Variants in USH2A observed in about 807,000 individuals in gnomAD.
The protein encoded by USH2A is usherin, also known as Usher syndrome 2A (autosomal recessive, mild).
In USH2A, 443 loss-of-function variants were observed where a neutral mutation model predicts 538.9. That is an observed-to-expected ratio of 0.82 (90% CI 0.76 to 0.89). USH2A has a LOEUF of 0.89. Among genes scored for constraint, USH2A ranks in the 40% least tolerant of loss-of-function variants. The pLI, the probability that USH2A is intolerant of heterozygous loss-of-function variation, is 0.00. For synonymous variants in USH2A, 2,413 were observed against 2,273.5 expected (o/e 1.06, Z -1.75); for missense variants, 6,633 against 6,324.8 (o/e 1.05, Z -1.65).
chr1:216,358,660 T>C (rs1371618363), intron 4 of USH2A, among the ~76,000 whole-genome samples: 1 of 152,136 alleles, frequency 6.6e-6, no homozygotes, highest in Non-Finnish European at 1.5e-5. Context: ...ACTGTACATA[T>C]AAATTGATAG....
chr1:215,675,809 T>G (rs549740265), intron 62 of USH2A, among the ~76,000 whole-genome samples, 193 bp from the exon 63 acceptor site: 1 of 152,294 alleles, frequency 6.6e-6, no homozygotes, highest in Admixed American at 6.5e-5. Context: ...ACAAACAATG[T>G]TTTTCTTTGC....
At position 216,321,938 on chromosome 1, in the gene USH2A, G is replaced by C. The variant is rs76458883; in HGVS notation, c.1589C>G (p.Thr530Arg). ...GCAGAGGCATCTATATGGCTGGCTT[G>C]TTGTGTCGCAGTTATCGGCATGACC... ...CHGHADNCDT[T>R]SQPYRCLCSQ... The change falls in exon 9 of 72, where the codon ACA becomes AGA. Residue 530 changes from threonine (T) to arginine (R), a missense_variant. Coordinates refer to ENST00000307340, the MANE Select transcript of USH2A (RefSeq NM_206933.4). 1.9e-6 allele frequency: 3 copies of C among 1,613,848 alleles called. No homozygotes were observed. The highest frequency in any genetic ancestry group is 1.7e-6 in the Non-Finnish European group (2 of 1,179,876).
At chr1:216,293,192 T>C (rs1240584925) in intron 9 of USH2A, among the ~76,000 whole-genome samples, 2 of 151,934 alleles carry the variant, frequency 1.3e-5, no homozygotes, top group Non-Finnish European at 2.9e-5. Context: ...GCTTGGCTAA[T>C]TTTTTGTATT....
intron 18 of USH2A, 37 bp from the exon 19 acceptor site, chr1:216,196,759 T>C: frequency 1.9e-6 from 3 of 1,597,962 alleles, no homozygotes; most frequent in Non-Finnish European, 2.6e-6. Context: ...ATCAAAACAA[T>C]GAATGTCGTC....
intron 44 of USH2A, among the ~76,000 whole-genome samples, chr1:215,860,415 GAA>G (rs71159890): frequency 6.6e-6 from 1 of 151,722 alleles, no homozygotes; most frequent in Non-Finnish European, 1.5e-5. Flanking sequence ...TTGATTGGGG[GAA>G]AAAAACAAAA....
At chr1:215,645,385 C>A (rs1656813648) in intron 67 of USH2A, among the ~76,000 whole-genome samples, 1 of 152,108 alleles carries the variant, frequency 6.6e-6, no homozygotes, top group African/African-American at 2.4e-5. Flanking sequence ...GTTACTTAAG[C>A]TCTGGCCTTA....
chr1:216,024,612 G>T (rs1668919958), intron 32 of USH2A, among the ~76,000 whole-genome samples: 1 of 151,892 alleles, frequency 6.6e-6, no homozygotes, highest in Admixed American at 6.6e-5. Context: ...TTTTATAAAA[G>T]GAAACATGTA....
intron 19 of USH2A, among the ~76,000 whole-genome samples, chr1:216,194,638 G>C (rs2034797663): frequency 6.6e-6 from 1 of 152,086 alleles, no homozygotes; most frequent in Non-Finnish European, 1.5e-5. Context: ...GAAGTTTTTA[G>C]GAGTTCAAGT....
At position 215,853,820 on chromosome 1, in the gene USH2A, A is replaced by G. The variant is rs528291829; in HGVS notation, c.8846-7787T>C. Among the ~76,000 whole-genome samples the G allele has an allele frequency of 2.6e-5, 4 of 152,258 alleles. No homozygotes were observed. In the South Asian group the frequency reaches 8.3e-4, roughly 32 times the overall value. ...AGTTCCCAACAAATTCCTCATCTCCATCTGAGACCACCTCAGACTGGATTT... is the reference window on the plus strand; with the variant it reads ...AGTTCCCAACAAATTCCTCATCTCCGTCTGAGACCACCTCAGACTGGATTT... On this transcript the variant is annotated intron_variant, in intron 44 of 71. Coordinates refer to ENST00000307340, the MANE Select transcript of USH2A (RefSeq NM_206933.4).
chr1:216,327,655 C>A lies in USH2A; in HGVS notation c.785-1G>T. The A allele has an allele frequency of 6.2e-7, 1 of 1,612,992 alleles. No homozygotes were observed. Among genetic ancestry groups the A allele is most frequent in the Non-Finnish European group, 8.5e-7 (1 of 1,179,392 alleles). On this transcript the variant is annotated splice_acceptor_variant, in intron 4 of 71. Coordinates refer to ENST00000307340, the MANE Select transcript of USH2A (RefSeq NM_206933.4). LOFTEE classifies it high-confidence loss of function. ...ATTCTTCCGACAAACTGCTCTAAAC[C>A]TGCAAATACACACATGTGCATAATA...
intron 55 of USH2A, among the ~76,000 whole-genome samples, chr1:215,771,579 C>CAAAAAAAAAAAAAAAAAAAAAA (rs759067576): frequency 4.5e-5 from 2 of 43,986 alleles, no homozygotes; most frequent in African/African-American, 2.1e-4. Flanking sequence ...GACTCCGTCT[C>CAAAAAAAAAAAAAAAAAAAAAA]AAAAAAAAAA....
chr1:215,996,942 G>C (rs1284307818), intron 34 of USH2A, among the ~76,000 whole-genome samples: 1 of 152,018 alleles, frequency 6.6e-6, no homozygotes, highest in Non-Finnish European at 1.5e-5. Context: ...CTGCTTAAAG[G>C]CTTTGTTATC....
At chr1:215,798,658 A>C (rs909477337) in intron 50 of USH2A, among the ~76,000 whole-genome samples, 5 of 152,112 alleles carry the variant, frequency 3.3e-5, no homozygotes, top group African/African-American at 1.2e-4. Context: ...TCATGTGTGG[A>C]ATTTTTTTTG....
intron 21 of USH2A, among the ~76,000 whole-genome samples, chr1:216,146,809 C>A (rs1389223007): frequency 6.6e-6 from 1 of 152,006 alleles, no homozygotes; most frequent in Admixed American, 6.6e-5. Context: ...TATGGGCAAC[C>A]TTCCACCCTC....
chr1:216,286,923 G>A (rs539307525), intron 11 of USH2A, among the ~76,000 whole-genome samples: 23 of 151,968 alleles, frequency 1.5e-4, no homozygotes, highest in Non-Finnish European at 2.9e-4. Context: ...ACAACAGGAA[G>A]GAAGATTTTA....
At chr1:215,780,619 G>A (rs768763709) in intron 54 of USH2A, among the ~76,000 whole-genome samples, 1 of 152,218 alleles carries the variant, frequency 6.6e-6, no homozygotes, top group African/African-American at 2.4e-5. Context: ...AGTCAATATT[G>A]TCAAAACATA....
At chr1:215,911,601 A>G (rs1433643922) in intron 38 of USH2A, among the ~76,000 whole-genome samples, 1 of 152,004 alleles carries the variant, frequency 6.6e-6, no homozygotes, top group East Asian at 1.9e-4. Flanking sequence ...TTATCCATCC[A>G]TCTGCTGATG....
At chr1:215,864,078 T>A (rs368668202) in intron 44 of USH2A, among the ~76,000 whole-genome samples, 1 of 152,206 alleles carries the variant, frequency 6.6e-6, no homozygotes, top group Non-Finnish European at 1.5e-5. Context: ...AGGCACTATC[T>A]CTCCACTGTA....
chr1:216,268,409 T>G (rs971935964), intron 11 of USH2A, among the ~76,000 whole-genome samples: 1 of 152,124 alleles, frequency 6.6e-6, no homozygotes, highest in Non-Finnish European at 1.5e-5. Flanking sequence ...CTGAGATTAT[T>G]AATGTAAACA....
Sources: allele counts gnomAD v4.1 joint callset (sites outside exome capture counted in the v4.1 genomes callset), GRCh38; gene constraint gnomAD v4.1.1; transcripts MANE v1.5; gene names NCBI Gene and HGNC (gene_info 2026-07-23, HGNC 2026-07-21).